Variants in ACTR3B observed in about 807,000 individuals in gnomAD.
ACTR3B encodes actin-related protein 3B.
A neutral mutation model predicts 59.0 loss-of-function variants in ACTR3B; 8 were observed. That is an observed-to-expected ratio of 0.14 (90% CI 0.08 to 0.24). The LOEUF (loss-of-function observed/expected upper bound fraction) is 0.24. ACTR3B is among the 10% of genes least tolerant of loss of function. ACTR3B has a pLI of 1.00. For missense variants in ACTR3B, 245 were observed against 552.3 expected (o/e 0.44, Z 5.58); for synonymous variants, 148 against 197.9 (o/e 0.75, Z 2.12).
chr7:152,807,536 C>G (rs1590319956), intron 4 of ACTR3B, among the ~76,000 whole-genome samples: 1 of 152,018 alleles, frequency 6.6e-6, no homozygotes, highest in Admixed American at 6.6e-5. Flanking sequence ...AAAGAACTAG[C>G]AGTGTTTGAT....
chr7:152,764,881 A>G (rs1005550622), intron 1 of ACTR3B, among the ~76,000 whole-genome samples: 11 of 152,034 alleles, frequency 7.2e-5, no homozygotes, highest in Non-Finnish European at 7.4e-5. Context: ...AAAATTACCA[A>G]CCTAGAATAA....
chr7:152,801,184 A>G (rs1268815171), intron 3 of ACTR3B, among the ~76,000 whole-genome samples: 1 of 152,266 alleles, frequency 6.6e-6, no homozygotes, highest in African/African-American at 2.4e-5. Flanking sequence ...AGCTCAAGCA[A>G]TCCTCTCACC....
At position 152,767,246 on chromosome 7, in the gene ACTR3B, AT is replaced by A. The variant is rs2098113322; in HGVS notation, c.44+7321del. Among the ~76,000 whole-genome samples, 2 of 152,066 alleles carry A rather than the reference AT, an allele frequency of 1.3e-5. 1 individual carries two copies. Among genetic ancestry groups the A allele is most frequent in the Admixed American group, 1.3e-4 (2 of 15,250 alleles). On this transcript the variant is annotated intron_variant, in intron 1 of 11. Transcript: ENST00000256001. ...TGTCCTGTTTATCTCAACATAATTT[AT>A]GGAAAAAACCCAATGACTGGAGATG...
intron 1 of ACTR3B, among the ~76,000 whole-genome samples, chr7:152,766,985 A>T (rs2098112425): frequency 6.6e-6 from 1 of 151,384 alleles, no homozygotes; most frequent in Non-Finnish European, 1.5e-5. Context: ...AGGGGGTTTT[A>T]CCATATTGGT....
At chr7:152,853,787 G>A (rs1317237258) in intron 11 of ACTR3B, among the ~76,000 whole-genome samples, 3 of 152,140 alleles carry the variant, frequency 2.0e-5, no homozygotes, top group Non-Finnish European at 2.9e-5. Flanking sequence ...TGCGATCTCA[G>A]CTCACTGCAA....
chr7:152,803,120 C>T (rs1255666678), intron 4 of ACTR3B, among the ~76,000 whole-genome samples: 1 of 152,212 alleles, frequency 6.6e-6, no homozygotes, highest in Non-Finnish European at 1.5e-5. Flanking sequence ...AATCCTAGCT[C>T]ACTGCAGCCT....
At chr7:152,803,920 C>T (rs910857212) in intron 4 of ACTR3B, among the ~76,000 whole-genome samples, 12 of 152,058 alleles carry the variant, frequency 7.9e-5, no homozygotes, top group African/African-American at 2.9e-4. Flanking sequence ...AGGTATTTGT[C>T]CTTAACCGTA....
At chr7:152,776,843 T>C (rs1332437284) in intron 1 of ACTR3B, among the ~76,000 whole-genome samples, 6 of 152,182 alleles carry the variant, frequency 3.9e-5, no homozygotes, top group Non-Finnish European at 7.4e-5. Context: ...TATACTGTTT[T>C]CAAGCACTTT....
chr7:152,781,495 C>T (rs1054490256), intron 1 of ACTR3B, among the ~76,000 whole-genome samples: 10 of 152,048 alleles, frequency 6.6e-5, no homozygotes, highest in East Asian at 3.9e-4. Flanking sequence ...TTCTGGGCAG[C>T]GTGTGGAACT....
At chr7:152,782,121 G>A (rs1026248328) in intron 1 of ACTR3B, among the ~76,000 whole-genome samples, 6 of 151,916 alleles carry the variant, frequency 3.9e-5, no homozygotes, top group Non-Finnish European at 8.8e-5. Context: ...CTTAAAAATC[G>A]TAAAATTAAT....
rs1798862537 is a variant in ACTR3B at position 152,852,232 on chromosome 7, T to C, written c.1058T>C (p.Leu353Pro). The change falls in exon 10 of 12, where the codon CTC becomes CCC. Residue 353 changes from leucine (L) to proline (P), a missense_variant. Transcript: ENST00000256001. Reference protein sequence around the residue: ...VDARLRLSEELSGGRIKPKPV... With the variant: ...VDARLRLSEEPSGGRIKPKPV... ...GCTAGGCTGAGGCTCAGCGAGGAGC[T>C]CAGCGGCGGGAGGATCAAGGTAGGA... 1 of 1,612,824 alleles carries C rather than the reference T, an allele frequency of 6.2e-7. No individual in the cohort carries two copies. Among genetic ancestry groups the C allele is most frequent in the Middle Eastern group, 1.7e-4 (1 of 6,048 alleles).
intron 2 of ACTR3B, among the ~76,000 whole-genome samples, chr7:152,797,548 G>A (rs1458098920): frequency 1.3e-5 from 2 of 152,122 alleles, no homozygotes; most frequent in African/African-American, 2.4e-5. Flanking sequence ...CACATAACAC[G>A]TACTCTACAT....
At chr7:152,822,956 G>A (rs530653896) in intron 7 of ACTR3B, among the ~76,000 whole-genome samples, 1 of 152,240 alleles carries the variant, frequency 6.6e-6, no homozygotes, top group Admixed American at 6.5e-5. Context: ...CTTGCAGCAC[G>A]GGTCCGCTGG....
intron 5 of ACTR3B, among the ~76,000 whole-genome samples, chr7:152,815,212 G>C (rs927236268): frequency 2.6e-5 from 4 of 152,072 alleles, no homozygotes; most frequent in South Asian, 4.1e-4. Context: ...CATAATACTA[G>C]TCACTTCTAA....
intron 2 of ACTR3B, among the ~76,000 whole-genome samples, chr7:152,798,892 G>A (rs1469990003): frequency 6.6e-6 from 1 of 152,160 alleles, no homozygotes; most frequent in Non-Finnish European, 1.5e-5. Flanking sequence ...TTTGATTACT[G>A]TAGCTTTATA....
chr7:152,816,089 C>G (rs34532406), intron 5 of ACTR3B, among the ~76,000 whole-genome samples: 14 of 152,118 alleles, frequency 9.2e-5, no homozygotes, highest in East Asian at 7.7e-4. Context: ...TGGGAGTACA[C>G]GTGCGTGTCA....
chr7:152,764,382 C>T (rs1191315049), intron 1 of ACTR3B, among the ~76,000 whole-genome samples: 7 of 152,012 alleles, frequency 4.6e-5, no homozygotes, highest in Non-Finnish European at 1.0e-4. Context: ...GTAGTCCCAG[C>T]ACTTTGGGAG....
chr7:152,773,414 C>T (rs1180616045), intron 1 of ACTR3B, among the ~76,000 whole-genome samples: 1 of 152,070 alleles, frequency 6.6e-6, no homozygotes, highest in African/African-American at 2.4e-5. Flanking sequence ...TGGTGAAACC[C>T]CGTCTCTACT....
intron 9 of ACTR3B, among the ~76,000 whole-genome samples, chr7:152,846,142 A>G (rs946647124): frequency 2.0e-5 from 3 of 151,440 alleles, no homozygotes; most frequent in Admixed American, 1.3e-4. Context: ...AGTGAGCTCT[A>G]GTGCCCGGGC....
Sources: gnomAD v4.1 joint callset for allele counts (sites outside exome capture counted in the v4.1 genomes callset) on GRCh38, gnomAD v4.1.1 for gene constraint, MANE v1.5 for transcripts, NCBI Gene and HGNC (gene_info 2026-07-23, HGNC 2026-07-21) for gene names.